The following ATP11C variants were observed in gnomAD, a reference collection of about 807,000 sequenced individuals.
ATP11C encodes phospholipid-transporting ATPase IG.
ATP11C carries 36 observed loss-of-function variants against 97.4 expected under a neutral mutation model. That is an observed-to-expected ratio of 0.37 (90% CI 0.28 to 0.49). The LOEUF is 0.49. Among genes scored for constraint, ATP11C ranks in the 20% least tolerant of loss-of-function variants. The pLI is 0.98. For synonymous variants in ATP11C, 275 were observed against 290.9 expected (o/e 0.95, Z 0.56); for missense variants, 730 against 824.6 (o/e 0.89, Z 1.40).
intron 1 of ATP11C, among the ~76,000 whole-genome samples, chrX:139,912,052 G>A (rs907692381): frequency 7.5e-5 from 8 of 106,951 alleles, no homozygotes; most frequent in Non-Finnish European, 1.5e-4. Flanking sequence ...GCATATGCCC[G>A]TAGTCTCAGC....
chrX:139,819,520 A>G (rs990206299), intron 2 of ATP11C, 93 bp from the exon 3 acceptor site: 1 of 355,190 alleles, frequency 2.8e-6, no homozygotes, highest in African/African-American at 2.6e-5. Flanking sequence ...TTATCATATA[A>G]AGTGATATTT....
chrX:139,931,421 C>T (rs1394580270), intron 1 of ATP11C, among the ~76,000 whole-genome samples: 1 of 111,802 alleles, frequency 8.9e-6, no homozygotes, highest in Non-Finnish European at 1.9e-5. Flanking sequence ...ACCCGGCCCA[C>T]CCTGACAATC....
chrX:139,747,802 G>T (rs2081724387), intron 24 of ATP11C, among the ~76,000 whole-genome samples: 1 of 111,837 alleles, frequency 8.9e-6, no homozygotes, highest in African/African-American at 3.2e-5. Context: ...AGAACAGTCA[G>T]AGTAATGAAA....
At chrX:139,732,466 G>A (rs750408031) in intron 28 of ATP11C, 2 of 369,636 alleles carry the variant, frequency 5.4e-6, no homozygotes, top group Non-Finnish European at 1.1e-5. Context: ...TGTGATTGCT[G>A]GAAGTTTGAG....
intron 4 of ATP11C, among the ~76,000 whole-genome samples, chrX:139,816,435 T>C (rs1390471022): frequency 8.9e-6 from 1 of 111,934 alleles, no homozygotes; most frequent in East Asian, 2.8e-4. Flanking sequence ...ATGTCCCCTC[T>C]ACCTACTACC....
rs760253496 is a variant in ATP11C at position 139,910,378 on chromosome X, G to A, written c.27+21638C>T. On this transcript the variant is annotated intron_variant, in intron 1 of 29. Coordinates refer to ENST00000682941, the MANE Select transcript of ATP11C (RefSeq NM_001353812.2). ...TCCCAGCACTTTGGGAGGCCGAGGC[G>A]GGCAGATCACGAGGTCAGGAGATCA... is the stretch of plus-strand genomic sequence containing the variant. Among the ~76,000 whole-genome samples, 5 of 110,576 alleles carry A rather than the reference G, an allele frequency of 4.5e-5. No homozygotes were observed. In the South Asian group the frequency reaches 1.2e-3, roughly 26 times the overall value.
intron 1 of ATP11C, among the ~76,000 whole-genome samples, chrX:139,847,729 T>C (rs1290913082): frequency 9.3e-6 from 1 of 107,747 alleles, no homozygotes; most frequent in Non-Finnish European, 1.9e-5. Context: ...CTACGTCCTA[T>C]AGAACCTGCC....
At chrX:139,762,196 T>C (rs2082051444) in intron 21 of ATP11C, 90 bp from the exon 22 acceptor site, 7 of 752,397 alleles carry the variant, frequency 9.3e-6, no homozygotes, top group African/African-American at 2.1e-5. Flanking sequence ...TTTAATGTTA[T>C]AGTTCAATTC....
intron 1 of ATP11C, among the ~76,000 whole-genome samples, chrX:139,928,528 C>G (rs1321857019): frequency 8.9e-6 from 1 of 111,961 alleles, no homozygotes; most frequent in Admixed American, 9.5e-5. Flanking sequence ...TTAATTGCCT[C>G]CATATATTGC....
intron 24 of ATP11C, among the ~76,000 whole-genome samples, chrX:139,748,183 A>C (rs2081733702): frequency 9.0e-6 from 1 of 111,377 alleles, no homozygotes; most frequent in South Asian, 3.8e-4. Context: ...TATTTTTTTT[A>C]AGTTCTTTAA....
chrX:139,764,875 G>A (rs1344782057), intron 20 of ATP11C, among the ~76,000 whole-genome samples: 1 of 111,775 alleles, frequency 8.9e-6, no homozygotes. Context: ...GAAATAACCT[G>A]TAAGTGAAAG....
chrX:139,842,596 T>C (rs889992535), intron 1 of ATP11C, among the ~76,000 whole-genome samples: 3 of 112,366 alleles, frequency 2.7e-5, no homozygotes, highest in Non-Finnish European at 5.6e-5. Flanking sequence ...AGTATACAAG[T>C]ATATTTGCAG....
At chrX:139,872,097 A>C in intron 1 of ATP11C, among the ~76,000 whole-genome samples, 1 of 111,489 alleles carries the variant, frequency 9.0e-6, no homozygotes, top group Non-Finnish European at 1.9e-5. Flanking sequence ...ATAGCCTAAA[A>C]AATTAAAACA....
chrX:139,934,728 T>C (rs2085507401), upstream of ATP11C, among the ~76,000 whole-genome samples: 1 of 109,950 alleles, frequency 9.1e-6, no homozygotes, highest in Admixed American at 9.8e-5. Context: ...AATTTTTGTA[T>C]TTTTAGTAGA....
chrX:139,796,982 TACAAA>T (rs2082815048), intron 11 of ATP11C, among the ~76,000 whole-genome samples, 189 bp downstream of exon 11: 1 of 111,134 alleles, frequency 9.0e-6, no homozygotes, highest in African/African-American at 3.3e-5. Context: ...AAGTTTTTTT[TACAAA>T]AAAAACTTTG....
intron 5 of ATP11C, among the ~76,000 whole-genome samples, chrX:139,809,494 T>C (rs1021417061): frequency 4.5e-5 from 5 of 111,645 alleles, no homozygotes; most frequent in African/African-American, 1.6e-4. Flanking sequence ...AAAGTATTAA[T>C]AGAATAGAGG....
rs184402433 is a variant in ATP11C at position 139,737,125 on chromosome X, G to A, written c.3288+791C>T. Reference sequence around the variant, plus strand: ...GTGTCAATATGACAGAAACAGTTTTGTTTAATAAAATCAGCTACTGTTGGC... The same window carrying A: ...GTGTCAATATGACAGAAACAGTTTTATTTAATAAAATCAGCTACTGTTGGC... On this transcript the variant is annotated intron_variant, in intron 28 of 29. Transcript: ENST00000682941. 5.4e-3 allele frequency among the ~76,000 whole-genome samples: 595 copies of A among 110,843 alleles called. 3 individuals are homozygous for A. Among genetic ancestry groups the A allele is most frequent in the African/African-American group, 0.019 (581 of 30,600 alleles).
intron 19 of ATP11C, among the ~76,000 whole-genome samples, chrX:139,769,899 C>T (rs2082220455): frequency 8.9e-6 from 1 of 111,986 alleles, no homozygotes. Context: ...AGCTGCTATT[C>T]TATAGACGAA....
chrX:139,792,940 TG>T (rs746374596), intron 12 of ATP11C, among the ~76,000 whole-genome samples: 1 of 111,987 alleles, frequency 8.9e-6, no homozygotes, highest in East Asian at 2.8e-4. Flanking sequence ...GAGGGGATTG[TG>T]GGTAGCCCAA....
Sources: gnomAD v4.1 joint callset for allele counts (sites outside exome capture counted in the v4.1 genomes callset) on GRCh38, gnomAD v4.1.1 for gene constraint, MANE v1.5 for transcripts, NCBI Gene and HGNC (gene_info 2026-07-23, HGNC 2026-07-21) for gene names.